RPL3: variants seen among roughly 807,000 people sequenced by gnomAD.
The protein encoded by RPL3 is ribosomal protein L3.
In RPL3, 3 loss-of-function variants were observed where a neutral mutation model predicts 46.0. The ratio of observed to expected loss-of-function variants is 0.07; its 90% CI spans 0.03 to 0.17. RPL3 has a LOEUF of 0.17. Ranked by LOEUF, RPL3 falls within the 10% of genes least tolerant of loss-of-function variation. The probability of loss-of-function intolerance (pLI) is 1.00; values close to 1 mark genes in which losing one functional copy is unlikely to be tolerated. For missense variants in RPL3, 387 were observed against 532.7 expected (o/e 0.73, Z 2.69); for synonymous variants, 224 against 190.8 (o/e 1.17, Z -1.43).
chr22:39,315,305 A>G, intron 5 of RPL3, 64 bp downstream of exon 5: 1 of 1,605,518 alleles, frequency 6.2e-7, no homozygotes, highest in Admixed American at 1.7e-5. Flanking sequence ...ATCAACGAAC[A>G]GCTGGGCCTG....
chr22:39,317,165 C>A (rs956441455), intron 3 of RPL3: 4 of 577,968 alleles, frequency 6.9e-6, no homozygotes, highest in African/African-American at 5.6e-5. Flanking sequence ...GCCCTTGCCA[C>A]CCCTATAGGG....
At chr22:39,315,005 C>G (rs1402493131) in intron 5 of RPL3, 159 bp from the exon 6 acceptor site, 3 of 1,051,412 alleles carry the variant, frequency 2.9e-6, no homozygotes, top group Non-Finnish European at 4.1e-6. Context: ...GCTGGATAGG[C>G]TCTGGGGGTG....
At chr22:39,316,337 G>C (rs561712456) in intron 4 of RPL3, among the ~76,000 whole-genome samples, 9 of 152,160 alleles carry the variant, frequency 5.9e-5, no homozygotes, top group African/African-American at 2.2e-4. Flanking sequence ...ACTCTCATCC[G>C]TGGTGGCCCT....
chr22:39,317,951 G>C (rs1395480268), intron 2 of RPL3: 2 of 382,996 alleles, frequency 5.2e-6, no homozygotes, highest in South Asian at 6.8e-5. Flanking sequence ...TCAGAGATTA[G>C]TCAGTATCAA....
At chr22:39,317,143 C>T (rs899758277) in intron 3 of RPL3, 20 of 583,494 alleles carry the variant, frequency 3.4e-5, no homozygotes, top group Middle Eastern at 7.9e-4. Flanking sequence ...GACATTCCAC[C>T]CAGGGCCAGA....
intron 6 of RPL3, chr22:39,314,452 G>A (rs1427666842): frequency 3.2e-6 from 2 of 630,950 alleles, no homozygotes; most frequent in Non-Finnish European, 5.5e-6. Flanking sequence ...TGGCATCAGG[G>A]ACCAATAAGA....
chr22:39,314,206 A>G lies in RPL3; in HGVS notation c.852T>C (p.Ile284=), dbSNP rs11547996. 7.6e-3 allele frequency: 11,992 copies of G among 1,583,922 alleles called. 770 individuals carry two copies. In the African/African-American group the frequency reaches 0.14, roughly 18 times the overall value. ...YHHRTEINKK[I]YKIGQGYLIK... ...TAAGGTAGCCCTGGCCAATCTTATA[A>G]ATCTGAATGAACAAGAAGGGTGTAA... The change falls in exon 7 of 10, where the codon ATT becomes ATC. Residue 284 remains isoleucine, a splice_region_variant and synonymous_variant. Transcript: ENST00000216146.
rs139389811 is a variant in RPL3 at position 39,318,116 on chromosome 22, C to CA, written c.196+283dup. 4.6e-3 allele frequency: 2,005 copies of CA among 432,418 alleles called. 40 individuals carry two copies. The highest frequency in any genetic ancestry group is 0.041 in the Admixed American group (964 of 23,330). The allele number at this position is 432,418 out of a possible 1,614,324, so 26.8% of individuals were successfully genotyped here. ...GCCAGCCTCAGCAGCTCCAACCCCCCACACTAGTGTTAACTTCTCTTTGCT... is the reference window on the plus strand; with the variant it reads ...GCCAGCCTCAGCAGCTCCAACCCCCCAACACTAGTGTTAACTTCTCTTTGCT... On this transcript the variant is annotated intron_variant, in intron 2 of 9. Transcript: ENST00000216146.
rs765487298 is a variant in RPL3 at position 39,313,297 on chromosome 22, T to G, written c.1061A>C (p.Gln354Pro). The G allele has an allele frequency of 6.2e-7, 1 of 1,614,002 alleles. No individual in the cohort carries two copies. The change falls in exon 9 of 10, where the codon CAG becomes CCG. Residue 354 changes from glutamine to proline, a missense_variant. Physicochemically the swap from Gln to Pro is moderately conservative, Grantham distance 76. Around this residue, in one of 5 missense-constraint regions of RPL3, gnomAD observed 131 missense variants for 185.1 expected, o/e 0.71. Transcript: ENST00000216146. The stretch of plus-strand genomic sequence containing the variant: ...CTTCTCCAGAGCCCGCCGCTTCGTC[T>G]GCACCAGCAAGGACTATGGGCCAAG... ...VLTLRKSLLVQTKRRALEKID... is the reference protein window; with the variant it reads ...VLTLRKSLLVPTKRRALEKID...
At chr22:39,317,288 A>C in intron 3 of RPL3, 173 bp downstream of exon 3, 1 of 756,302 alleles carries the variant, frequency 1.3e-6, no homozygotes, top group Middle Eastern at 3.8e-4. Flanking sequence ...CTTCCGGCTG[A>C]AACCAGATGG....
intron 6 of RPL3, 146 bp from the exon 7 acceptor site, chr22:39,314,354 G>T (rs1922547580): frequency 2.8e-6 from 2 of 715,438 alleles, no homozygotes; most frequent in Non-Finnish European, 4.7e-6. Flanking sequence ...CAAAAAGCTG[G>T]CTGGCCCTCC....
chr22:39,313,417 C>T, intron 8 of RPL3, 107 bp from the exon 9 acceptor site: 1 of 1,523,754 alleles, frequency 6.6e-7, no homozygotes, highest in Non-Finnish European at 8.9e-7. Context: ...AATTCAGCCT[C>T]CCCCACCATC....
chr22:39,317,169 T>C (rs564234839), intron 3 of RPL3: 1 of 570,630 alleles, frequency 1.8e-6, no homozygotes, highest in Non-Finnish European at 3.1e-6. Flanking sequence ...TTGCCACCCC[T>C]ATAGGGGTTT....
intron 6 of RPL3, 102 bp from the exon 7 acceptor site, chr22:39,314,310 T>C (rs1922545604): frequency 7.2e-6 from 7 of 978,302 alleles, no homozygotes; most frequent in Admixed American, 5.5e-5. Context: ...AGCTGAGGCC[T>C]CAGTCCCAGT....
Position 39,314,541 on chromosome 22 carries a change from C to G in RPL3, c.849+145G>C, listed in dbSNP as rs145679970. The G allele has an allele frequency of 1.2e-3, 1,175 of 1,005,734 alleles. 14 individuals carry two copies. The African/African-American group carries it at 0.016, about 14-fold the overall frequency. 62.3% of individuals were successfully genotyped at this position (1,005,734 alleles called of 1,614,324 possible). The stretch of plus-strand genomic sequence containing the variant: ...CACCTTACAAATCATCAAGATGGGC[C>G]AGAACTGACCATGAGAAGCAAGCCA... On this transcript the variant is annotated intron_variant, in intron 6 of 9. Coordinates refer to ENST00000216146, the MANE Select transcript of RPL3 (RefSeq NM_000967.4).
At chr22:39,318,331 G>C (rs1922832448) in intron 2 of RPL3, 69 bp downstream of exon 2, 5 of 1,534,564 alleles carry the variant, frequency 3.3e-6, no homozygotes, top group Non-Finnish European at 8.9e-7. Context: ...CTAACAGCTT[G>C]ACTCCATCTC....
intron 5 of RPL3, 163 bp downstream of exon 5, chr22:39,315,206 C>T: frequency 9.3e-7 from 1 of 1,075,888 alleles, no homozygotes; most frequent in Non-Finnish European, 1.4e-6. Flanking sequence ...CCACTTCTGA[C>T]CACAAGGCTG....
At position 39,318,489 on chromosome 22, in the gene RPL3, T is replaced by A. The variant is rs1204512463; in HGVS notation, c.107A>T (p.Asp36Val). 6.2e-7 allele frequency: 1 copy of A among 1,613,810 alleles called. No homozygotes were observed. Among genetic ancestry groups the A allele is most frequent in the Non-Finnish European group, 8.5e-7 (1 of 1,179,900 alleles). ...TGTGAGGTGGACCGGCTTGGACGGG[T>A]CATCCTTAGGGAAGCTCTTCACCTT... is the stretch of plus-strand genomic sequence containing the variant. ...RGKVKSFPKD[D>V]PSKPVHLTAF... Residue 36 changes from aspartate to valine, a missense_variant, in exon 2 of 10, where the codon GAC becomes GTC. Around this residue, in one of 5 missense-constraint regions of RPL3, gnomAD observed 196 missense variants for 217.5 expected, o/e 0.90. Coordinates refer to ENST00000216146, the MANE Select transcript of RPL3 (RefSeq NM_000967.4).
Position 39,315,266 on chromosome 22 carries a change from C to T in RPL3, c.688+103G>A, listed in dbSNP as rs377149797. 1.4e-5 allele frequency: 21 copies of T among 1,463,342 alleles called. No individual in the cohort carries two copies. The Admixed American group carries it at 2.2e-4, about 15-fold the overall frequency. The allele number at this position is 1,463,342 out of a possible 1,614,324, so 90.6% of individuals were successfully genotyped here. On this transcript the variant is annotated intron_variant, in intron 5 of 9. Transcript: ENST00000216146. ...ATGGTTCTACACTGTCCGATTCGGGCGCTGTACCCAGCGCTCACTCTGAGC... is the reference window on the plus strand; with the variant it reads ...ATGGTTCTACACTGTCCGATTCGGGTGCTGTACCCAGCGCTCACTCTGAGC...
Sources: gnomAD v4.1 joint callset for allele counts (sites outside exome capture counted in the v4.1 genomes callset) on GRCh38, gnomAD v4.1.1 for gene constraint, gnomAD v4.1.1 regional missense constraint, MANE v1.5 for transcripts, NCBI Gene and HGNC (gene_info 2026-07-23, HGNC 2026-07-21) for gene names.